The following PCDHA5 variants were observed in gnomAD, a reference collection of about 807,000 sequenced individuals.
PCDHA5 encodes protocadherin alpha-5.
A neutral mutation model predicts 61.6 loss-of-function variants in PCDHA5; 43 were observed. The observed-to-expected ratio is 0.70, with a 90% CI of 0.55 to 0.90. PCDHA5 has a LOEUF of 0.90. Among genes scored for constraint, PCDHA5 ranks in the 40% least tolerant of loss-of-function variants. The pLI is 0.00. For missense variants in PCDHA5, 1,298 were observed against 1,222.7 expected (o/e 1.06, Z -0.92); for synonymous variants, 627 against 543.9 (o/e 1.15, Z -2.13).
chr5:140,850,928 T>A (rs2150502915), intron 1 of PCDHA5: 1 of 1,520,688 alleles, frequency 6.6e-7, no homozygotes, highest in Non-Finnish European at 8.8e-7. Context: ...ATATAATTTT[T>A]TTTCTTGAAA....
At chr5:140,975,779 A>G (rs1439511378) in intron 1 of PCDHA5, among the ~76,000 whole-genome samples, 1 of 152,118 alleles carries the variant, frequency 6.6e-6, no homozygotes, top group Non-Finnish European at 1.5e-5. Context: ...TAATACCATT[A>G]CAAGATAAAT....
intron 1 of PCDHA5, chr5:140,849,802 G>A (rs2041146387): frequency 6.3e-7 from 1 of 1,598,478 alleles, no homozygotes; most frequent in Non-Finnish European, 8.6e-7. Flanking sequence ...CCTTCACTGT[G>A]GGCCACGGCC....
chr5:140,843,221 A>C (rs2150355439), intron 1 of PCDHA5: 1 of 1,595,692 alleles, frequency 6.3e-7, no homozygotes, highest in Non-Finnish European at 8.6e-7. Flanking sequence ...GATCAGCACC[A>C]CTCGTGTCCT....
intron 3 of PCDHA5, among the ~76,000 whole-genome samples, chr5:140,996,531 G>C (rs782175834): frequency 6.6e-6 from 1 of 152,146 alleles, no homozygotes; most frequent in Non-Finnish European, 1.5e-5. Context: ...GGCCCTGTGT[G>C]TTTTGATATT....
chr5:140,993,462 TCACACACACACACACA>T (rs3836747), intron 3 of PCDHA5, among the ~76,000 whole-genome samples: 191 of 141,044 alleles, frequency 1.4e-3, no homozygotes, highest in African/African-American at 3.8e-3. Context: ...TCTTTCTTTC[TCACACACACACACACA>T]CACACACACA....
Position 140,968,070 on chromosome 5 carries a change from A to G in PCDHA5, c.2353-10879A>G, listed in dbSNP as rs377189542. On this transcript the variant is annotated intron_variant, in intron 1 of 3. Transcript: ENST00000529859. The stretch of plus-strand genomic sequence containing the variant: ...CTGGACCGAGAGCGGGTGGCTGTCT[A>G]CAACATCACGGTGACAGCCACAGAT... 3.5e-5 allele frequency: 57 copies of G among 1,614,034 alleles called. No homozygotes were observed. The highest frequency in any genetic ancestry group is 1.6e-4 in the Middle Eastern group (1 of 6,082).
At chr5:140,841,517 G>T (rs2150317250) in intron 1 of PCDHA5, 29 of 1,613,422 alleles carry the variant, frequency 1.8e-5, no homozygotes, top group Non-Finnish European at 2.3e-5. Flanking sequence ...CCTGTTCCGG[G>T]TGGCGTCCAA....
rs1310366696 is a variant in PCDHA5 at position 140,890,210 on chromosome 5, T to A, written c.2352+66083T>A. Among the ~76,000 whole-genome samples the A allele has an allele frequency of 5.3e-5, 8 of 152,148 alleles. 1 individual carries two copies. Among genetic ancestry groups the A allele is most frequent in the Admixed American group, 3.3e-4 (5 of 15,270 alleles). On this transcript the variant is annotated intron_variant, in intron 1 of 3. Coordinates refer to ENST00000529859, the MANE Select transcript of PCDHA5 (RefSeq NM_018908.3). ...AACAGAGTTTTTTGTTTTTCTTTTT[T>A]CCCAGAGACCTAGTTGTTAAGCATT... is the stretch of plus-strand genomic sequence containing the variant.
chr5:140,877,546 G>T, intron 1 of PCDHA5: 4 of 1,613,794 alleles, frequency 2.5e-6, no homozygotes, highest in Non-Finnish European at 3.4e-6. Flanking sequence ...TCCCGAAGCG[G>T]CTCTGGTGGA....
At chr5:140,915,683 G>A (rs1052949485) in intron 1 of PCDHA5, among the ~76,000 whole-genome samples, 1 of 150,776 alleles carries the variant, frequency 6.6e-6, no homozygotes, top group African/African-American at 2.4e-5. Context: ...TTGAACTAGG[G>A]GTATGGTGAT....
rs150677637 is a variant in PCDHA5, at chr5:140,857,404, T to A, written c.2352+33277T>A. Reference sequence around the variant, plus strand: ...TGGCCGACGTGAACGACAACGCGCCTGCGTTCGCGCAGTCCGAGTACACGG... The same window carrying A: ...TGGCCGACGTGAACGACAACGCGCCAGCGTTCGCGCAGTCCGAGTACACGG... On this transcript the variant is annotated intron_variant, in intron 1 of 3. Transcript: ENST00000529859. 5,154 of 1,597,952 alleles carry A rather than the reference T, an allele frequency of 3.2e-3. 410 individuals carry two copies. In the African/African-American group the frequency reaches 0.057, roughly 18 times the overall value.
At chr5:140,929,678 T>C in intron 1 of PCDHA5, 1 of 305,066 alleles carries the variant, frequency 3.3e-6, no homozygotes, top group East Asian at 5.8e-5. Flanking sequence ...ATGAAAAATA[T>C]GTAAGAGTCT....
intron 1 of PCDHA5, chr5:140,870,600 C>T (rs2052205241): frequency 6.2e-7 from 1 of 1,613,338 alleles, no homozygotes. Context: ...GGCGGTTGGG[C>T]GACCGCGCGC....
At chr5:140,838,935 T>TAATAA (rs1186571610) in intron 1 of PCDHA5, among the ~76,000 whole-genome samples, 8 of 151,738 alleles carry the variant, frequency 5.3e-5, no homozygotes, top group South Asian at 4.2e-4. Context: ...TAAAATGAAA[T>TAATAA]AATAAAATAA....
rs781874469 is a variant in PCDHA5 at position 140,967,699 on chromosome 5, T to A, written c.2353-11250T>A. On this transcript the variant is annotated intron_variant, in intron 1 of 3. Coordinates refer to ENST00000529859, the MANE Select transcript of PCDHA5 (RefSeq NM_018908.3). ...GGGAGAGGCAGCTCTTCAGCATAGA[T>A]GCCAGTACCGGGGAAGTGCGAGTAA... The A allele has an allele frequency of 1.2e-6, 2 of 1,614,154 alleles. No individual in the cohort carries two copies. Among genetic ancestry groups the A allele is most frequent in the Non-Finnish European group, 1.7e-6 (2 of 1,180,034 alleles).
intron 1 of PCDHA5, chr5:140,828,253 G>A: frequency 6.2e-7 from 1 of 1,613,994 alleles, no homozygotes. Context: ...ACCTGGGGCT[G>A]GAGCTGGCGG....
Position 141,010,015 on chromosome 5 carries a change from C to T in PCDHA5, c.*78C>T, listed in dbSNP as rs1588250671. On this transcript the variant is annotated 3_prime_UTR_variant, in exon 4 of 4. Transcript: ENST00000529859. ...CTCTCCCATGTAGCAATTCCCTGCTCCTTTTTCCTATCTACATGAGCCCTC... is the reference window on the plus strand; with the variant it reads ...CTCTCCCATGTAGCAATTCCCTGCTTCTTTTTCCTATCTACATGAGCCCTC... 7 of 1,572,182 alleles carry T rather than the reference C, an allele frequency of 4.5e-6. No individual in the cohort carries two copies. In the East Asian group the frequency reaches 1.3e-4, roughly 30 times the overall value.
intron 1 of PCDHA5, chr5:140,929,632 C>T: frequency 2.6e-6 from 1 of 387,580 alleles, no homozygotes; most frequent in Admixed American, 4.5e-5. Flanking sequence ...TTATAAGCAA[C>T]AGATGTGTAA....
At chr5:140,905,621 T>C (rs1180191773) in intron 1 of PCDHA5, among the ~76,000 whole-genome samples, 1 of 152,224 alleles carries the variant, frequency 6.6e-6, no homozygotes, top group Non-Finnish European at 1.5e-5. Flanking sequence ...TAGATTGCTT[T>C]TGACAGTATG....
Sources: gnomAD v4.1 joint callset for allele counts (sites outside exome capture counted in the v4.1 genomes callset) on GRCh38, gnomAD v4.1.1 for gene constraint, MANE v1.5 for transcripts, NCBI Gene and HGNC (gene_info 2026-07-23, HGNC 2026-07-21) for gene names.